KMT2A: variants seen among roughly 807,000 people sequenced by gnomAD.
KMT2A encodes histone-lysine N-methyltransferase 2A.
KMT2A carries 16 observed loss-of-function variants against 345.3 expected under a neutral mutation model. That is an observed-to-expected ratio of 0.05 (90% CI 0.03 to 0.07). KMT2A has a LOEUF of 0.07. Among genes scored for constraint, KMT2A ranks in the 10% least tolerant of loss-of-function variants. The probability of loss-of-function intolerance (pLI) is 1.00; values close to 1 mark genes in which losing one functional copy is unlikely to be tolerated. For synonymous variants in KMT2A, 1,599 were observed against 1,778.6 expected (o/e 0.90, Z 2.54); for missense variants, 3,272 against 4,841.6 (o/e 0.68, Z 9.62).
rs1950044655 is a variant in KMT2A at position 118,476,721 on chromosome 11, AATTG to A, written c.3157-80_3157-77del. The A allele has an allele frequency of 9.3e-7, 1 of 1,079,586 alleles. No individual in the cohort carries two copies. Among genetic ancestry groups the A allele is most frequent in the Non-Finnish European group, 1.4e-6 (1 of 737,900 alleles). 66.9% of individuals were successfully genotyped at this position (1,079,586 alleles called of 1,614,324 possible). The stretch of plus-strand genomic sequence containing the variant: ...GTGTTTTGATTCTAAATCATACTGA[AATTG>A]ATTAAGTATACCTTGGCTTCGTTCA... On this transcript the variant is annotated intron_variant, in intron 3 of 35. Coordinates refer to ENST00000534358, the MANE Select transcript of KMT2A (RefSeq NM_001197104.2). This position sits in a 1 kb window ranked among gnomAD's most constrained non-coding sequence, Gnocchi z 4.1.
rs1950433064 is a variant in KMT2A, at chr11:118,497,767, G to A, written c.5665-169G>A. Among the ~76,000 whole-genome samples the A allele has an allele frequency of 6.6e-6, 1 of 152,142 alleles. No individual in the cohort carries two copies. The highest frequency in any genetic ancestry group is 1.5e-5 in the Non-Finnish European group (1 of 68,028). ...AAAAAGTAATCTTGAAAAGAAGGAA[G>A]TGGAAACAGAGCAACGTTGCAAAAA... On this transcript the variant is annotated intron_variant, in intron 20 of 35. Transcript: ENST00000534358. The surrounding 1 kb of genome is among the most constrained non-coding windows in gnomAD (Gnocchi z 4.8).
rs782089764 is a variant in KMT2A at position 118,491,792 on chromosome 11, C to A, written c.4868C>A (p.Thr1623Asn). ...AATCTGCCAGAAAGTGTGGCCTACA[C>A]TTGTGTGAACTGTACTGAGCGGCAC... is the stretch of plus-strand genomic sequence containing the variant. ...LSNLPESVAY[T>N]CVNCTERHPA... Residue 1623 changes from threonine (T) to asparagine (N), a missense_variant, in exon 15 of 36, where the codon ACT becomes AAT. Physicochemically the swap from Thr to Asn is moderately conservative, Grantham distance 65 (BLOSUM62 0). Transcript: ENST00000534358. This position sits in a 1 kb window ranked among gnomAD's most constrained non-coding sequence, Gnocchi z 4.2. 6.2e-7 allele frequency: 1 copy of A among 1,613,484 alleles called. No individual in the cohort carries two copies. Among genetic ancestry groups the A allele is most frequent in the Admixed American group, 1.7e-5 (1 of 59,914 alleles).
chr11:118,482,181 T>G, intron 7 of KMT2A, 89 bp downstream of exon 7: 1 of 1,408,974 alleles, frequency 7.1e-7, no homozygotes, highest in Admixed American at 2.7e-5. Context: ...AAGCAGGAAA[T>G]GTATGATTTG....
chr11:118,493,287 C>G lies in KMT2A; in HGVS notation c.5178+57C>G. 1 of 1,417,450 alleles carries G rather than the reference C, an allele frequency of 7.1e-7. No individual in the cohort carries two copies. The highest frequency in any genetic ancestry group is 9.8e-7 in the Non-Finnish European group (1 of 1,019,390). 87.8% of individuals were successfully genotyped at this position (1,417,450 alleles called of 1,614,324 possible). A position where few individuals can be genotyped will look rare whatever the true frequency, so the allele number is the denominator to read the frequency against. ...TAGTGCCAATAAAGCTTCTTTGGAC[C>G]TTTGGGGCATGAAACTGAGTATAAG... On this transcript the variant is annotated intron_variant, in intron 16 of 35. Transcript: ENST00000534358. The surrounding 1 kb of genome is among the most constrained non-coding windows in gnomAD (Gnocchi z 5.8).
intron 29 of KMT2A, among the ~76,000 whole-genome samples, chr11:118,509,413 C>T (rs1045655572): frequency 7.9e-5 from 12 of 152,080 alleles, no homozygotes; most frequent in Non-Finnish European, 1.8e-4. Context: ...CACCTGTCAG[C>T]TAAGGACTCA....
rs1950390499 is a variant in KMT2A, at chr11:118,495,282, C to G, written c.5364-418C>G. Among the ~76,000 whole-genome samples the G allele has an allele frequency of 6.6e-6, 1 of 152,054 alleles. No homozygotes were observed. The highest frequency in any genetic ancestry group is 2.4e-5 in the African/African-American group (1 of 41,386). ...CAAGCGATTCTCCTCCCTCAGCCTCCCAAGTAGCTGGGAAAACAGGCGGGC... is the reference window on the plus strand; with the variant it reads ...CAAGCGATTCTCCTCCCTCAGCCTCGCAAGTAGCTGGGAAAACAGGCGGGC... On this transcript the variant is annotated intron_variant, in intron 18 of 35. Transcript: ENST00000534358. The surrounding 1 kb of genome is among the most constrained non-coding windows in gnomAD (Gnocchi z 4.1).
intron 31 of KMT2A, among the ~76,000 whole-genome samples, chr11:118,519,070 T>TC (rs1950895071): frequency 1.2e-5 from 1 of 81,968 alleles, no homozygotes; most frequent in Admixed American, 2.2e-4. Flanking sequence ...AGAGTGAGAC[T>TC]CCATCTCAAA....
chr11:118,436,928 G>A lies in KMT2A; in HGVS notation c.416G>A (p.Gly139Glu), dbSNP rs2134155370. Residue 139 changes from glycine to glutamate, a missense_variant, in exon 1 of 36, where the codon GGA becomes GAA. Around this residue, in one of 27 missense-constraint regions of KMT2A, gnomAD observed 412 missense variants for 511.0 expected, o/e 0.81. Coordinates refer to ENST00000534358, the MANE Select transcript of KMT2A (RefSeq NM_001197104.2). The surrounding 1 kb of genome is among the most constrained non-coding windows in gnomAD (Gnocchi z 6.9). ...GCCGTGTTTGGGGAGAGCGGCGGGG[G>A]AGGCGGCAGCGGAGAGGTAAGGGGG... ...FRAVFGESGG[G>E]GGSGEDEQFL... 1 of 1,546,318 alleles carries A rather than the reference G, an allele frequency of 6.5e-7. No individual in the cohort carries two copies. The highest frequency in any genetic ancestry group is 8.7e-7 in the Non-Finnish European group (1 of 1,143,716).
intron 10 of KMT2A, among the ~76,000 whole-genome samples, 153 bp downstream of exon 10, chr11:118,485,128 G>C (rs1486605653): frequency 7.9e-5 from 12 of 152,156 alleles, no homozygotes; most frequent in African/African-American, 2.9e-4. Flanking sequence ...GAGATTTTAG[G>C]AAGGAATCTG....
At chr11:118,477,550 C>T (rs1565283736) in intron 4 of KMT2A, among the ~76,000 whole-genome samples, 1 of 126,330 alleles carries the variant, frequency 7.9e-6, no homozygotes, top group Non-Finnish European at 1.6e-5. Context: ...TTGTGTTGCC[C>T]AAGCTGGAGT....
In KMT2A at chr11:118,482,031, A is replaced by G; in HGVS notation, c.3951A>G (p.Lys1317=). The G allele has an allele frequency of 1.2e-6, 2 of 1,614,142 alleles. No individual in the cohort carries two copies. The highest frequency in any genetic ancestry group is 1.7e-6 in the Non-Finnish European group (2 of 1,179,988). ...CACCTACTACAGGACCGCCAAGAAA[A>G]GAAGTTCCCAAAACCACTCCTAGTG... ...PQPPTTGPPR[K]EVPKTTPSEP... Residue 1317 remains lysine (K), a synonymous_variant, in exon 7 of 36, where the codon AAA becomes AAG. Coordinates refer to ENST00000534358, the MANE Select transcript of KMT2A (RefSeq NM_001197104.2).
In KMT2A at chr11:118,477,998, T is replaced by C. The variant is rs1555038041; in HGVS notation, c.3366T>C (p.Ala1122=). The change falls in exon 5 of 36, where the codon GCT becomes GCC. Residue 1122 remains alanine, a synonymous_variant. Coordinates refer to ENST00000534358, the MANE Select transcript of KMT2A (RefSeq NM_001197104.2). ...CATCAATTGCTGGCTCAGAAGATGCTGAACCTCTTGCTCCACCCATCAAAC... is the reference window on the plus strand; with the variant it reads ...CATCAATTGCTGGCTCAGAAGATGCCGAACCTCTTGCTCCACCCATCAAAC... The part of the protein sequence containing the change: ...DKSSIAGSED[A]EPLAPPIKPI... 1.2e-6 allele frequency: 2 copies of C among 1,614,186 alleles called. No individual in the cohort carries two copies. The highest frequency in any genetic ancestry group is 1.7e-6 in the Non-Finnish European group (2 of 1,180,042).
chr11:118,455,858 T>A (rs1367165416), intron 1 of KMT2A, among the ~76,000 whole-genome samples: 1 of 151,964 alleles, frequency 6.6e-6, no homozygotes, highest in Non-Finnish European at 1.5e-5. Flanking sequence ...AGCTAATTTT[T>A]GTGTTTTTCT....
rs1296211966 is a variant in KMT2A, at chr11:118,497,215, G to T, written c.5665-721G>T. 1.3e-5 allele frequency among the ~76,000 whole-genome samples: 2 copies of T among 151,956 alleles called. No homozygotes were observed. The highest frequency in any genetic ancestry group is 2.9e-5 in the Non-Finnish European group (2 of 67,992). ...GACGGAGTTTCTCCATGTTGGTCAG[G>T]CTGGTCTCAAACTCCCGACCCCAGG... On this transcript the variant is annotated intron_variant, in intron 20 of 35. Transcript: ENST00000534358. This position sits in a 1 kb window ranked among gnomAD's most constrained non-coding sequence, Gnocchi z 4.8.
At chr11:118,487,117 T>C (rs1950243425) in intron 10 of KMT2A, among the ~76,000 whole-genome samples, 1 of 152,206 alleles carries the variant, frequency 6.6e-6, no homozygotes, top group Admixed American at 6.5e-5. Context: ...GAAGTTCAGA[T>C]ATCATTGAGA....
In KMT2A at chr11:118,524,074, T is replaced by C. The variant is rs370795871; in HGVS notation, c.*1902T>C. On this transcript the variant is annotated 3_prime_UTR_variant, in exon 36 of 36. Transcript: ENST00000534358. ...AGCAAACAACAAGTTGAATGGCAAC[T>C]TGACATTTTTGCATCACCATCTGCC... The C allele has an allele frequency of 5.2e-6, 1 of 191,412 alleles. No individual in the cohort carries two copies. The highest frequency in any genetic ancestry group is 2.3e-5 in the African/African-American group (1 of 43,050). The allele number at this position is 191,412 out of a possible 1,614,324, so 11.9% of individuals were successfully genotyped here.
In KMT2A at chr11:118,498,550, T is replaced by TAAAA; in HGVS notation, c.5961+34_5961+37dup. ...CGAAGTGAGAGAGCTTTAGTTGCTTTAAAAAAAAAAAAAAAGACTTTTTTA... is the reference window on the plus strand; with the variant it reads ...CGAAGTGAGAGAGCTTTAGTTGCTTTAAAAAAAAAAAAAAAAAAAGACTTTTTTA... On this transcript the variant is annotated intron_variant, in intron 22 of 35. Coordinates refer to ENST00000534358, the MANE Select transcript of KMT2A (RefSeq NM_001197104.2). The surrounding 1 kb of genome is among the most constrained non-coding windows in gnomAD (Gnocchi z 4.4). 2 of 1,441,340 alleles carry TAAAA rather than the reference T, an allele frequency of 1.4e-6. No individual in the cohort carries two copies. Among genetic ancestry groups the TAAAA allele is most frequent in the Non-Finnish European group, 1.9e-6 (2 of 1,072,534 alleles). 89.3% of individuals were successfully genotyped at this position (1,441,340 alleles called of 1,614,324 possible).
At chr11:118,450,295 C>T (rs1949509231) in intron 1 of KMT2A, 1 of 151,872 alleles carries the variant, frequency 6.6e-6, no homozygotes, top group Non-Finnish European at 1.5e-5. Flanking sequence ...GTAGTGCATT[C>T]ATTTTGCTGT....
intron 4 of KMT2A, among the ~76,000 whole-genome samples, chr11:118,477,462 T>C (rs1331234912): frequency 1.3e-5 from 2 of 151,266 alleles, no homozygotes; most frequent in African/African-American, 4.9e-5. Context: ...TTTTCAGTAT[T>C]TGGAATTTTG....
Sources: allele counts gnomAD v4.1 joint callset (sites outside exome capture counted in the v4.1 genomes callset), GRCh38; gene constraint gnomAD v4.1.1; regional missense constraint gnomAD v4.1.1; non-coding constraint Gnocchi (gnomAD v3.1); transcripts MANE v1.5; gene names NCBI Gene and HGNC (gene_info 2026-07-23, HGNC 2026-07-21).